The following GALNTL6 variants were observed in gnomAD, a reference collection of about 807,000 sequenced individuals.
GALNTL6 encodes polypeptide N-acetylgalactosaminyltransferase-like 6.
GALNTL6 carries 46 observed loss-of-function variants against 73.7 expected under a neutral mutation model. That is an observed-to-expected ratio of 0.62 (90% CI 0.49 to 0.80). The LOEUF (loss-of-function observed/expected upper bound fraction) is 0.80. GALNTL6 is among the 30% of genes least tolerant of loss of function. The probability of loss-of-function intolerance (pLI) is 0.00; values close to 1 mark genes in which losing one functional copy is unlikely to be tolerated. For synonymous variants in GALNTL6, 259 were observed against 263.7 expected (o/e 0.98, Z 0.17); for missense variants, 604 against 755.0 (o/e 0.80, Z 2.34).
intron 7 of GALNTL6, among the ~76,000 whole-genome samples, chr4:172,822,463 G>A (rs184439615): frequency 3.3e-4 from 51 of 152,246 alleles, no homozygotes; most frequent in Admixed American, 1.6e-3. Context: ...GGTCTCTCTG[G>A]AACTCCAGAA....
At chr4:172,357,184 A>G (rs1268609813) in intron 5 of GALNTL6, among the ~76,000 whole-genome samples, 2 of 152,184 alleles carry the variant, frequency 1.3e-5, no homozygotes, top group African/African-American at 4.8e-5. Flanking sequence ...TAAAGTTTGG[A>G]AAGGCTCTCA....
chr4:172,075,742 G>A (rs7677518), intron 2 of GALNTL6, among the ~76,000 whole-genome samples: 70,882 of 151,660 alleles, frequency 0.47, 17,042 homozygotes, highest in Non-Finnish European at 0.5. Flanking sequence ...TACCCTGCCA[G>A]AAATGAGAAA....
chr4:172,000,259 G>A (rs1447316290), intron 2 of GALNTL6, among the ~76,000 whole-genome samples: 1 of 152,100 alleles, frequency 6.6e-6, no homozygotes, highest in East Asian at 1.9e-4. Context: ...CCGGCAGTAT[G>A]GAAAATAAAC....
intron 2 of GALNTL6, among the ~76,000 whole-genome samples, chr4:172,052,973 G>A (rs1214615908): frequency 1.3e-5 from 2 of 152,160 alleles, no homozygotes; most frequent in East Asian, 3.9e-4. Context: ...CTGCCTGAAT[G>A]TCAGGGGAAA....
At position 172,450,582 on chromosome 4, in the gene GALNTL6, TC is replaced by T. The variant is rs537767284; in HGVS notation, c.553+101894del. On this transcript the variant is annotated intron_variant, in intron 5 of 12. Transcript: ENST00000506823. Reference sequence around the variant, plus strand: ...CATATGTCACCTCCTGCTTAAACCTTCAATGGCTTTCAGTTGTAATCAGATG... The same window carrying T: ...CATATGTCACCTCCTGCTTAAACCTTAATGGCTTTCAGTTGTAATCAGATG... 3.1e-4 allele frequency among the ~76,000 whole-genome samples: 47 copies of T among 152,350 alleles called. 1 individual carries two copies. In the South Asian group the frequency reaches 9.5e-3, roughly 31 times the overall value.
At position 172,219,855 on chromosome 4, in the gene GALNTL6, AT is replaced by A. The variant is rs1380656977; in HGVS notation, c.139-9798del. Among the ~76,000 whole-genome samples, 7 of 151,974 alleles carry A rather than the reference AT, an allele frequency of 4.6e-5. No homozygotes were observed. In the South Asian group the frequency reaches 1.2e-3, roughly 27 times the overall value. Reference sequence around the variant, plus strand: ...TAATGGAAAGCAACCTGGTTTTGATATTTAAAAGTATTGGCACTTCTGCCTA... The same window carrying A: ...TAATGGAAAGCAACCTGGTTTTGATATTAAAAGTATTGGCACTTCTGCCTA... On this transcript the variant is annotated intron_variant, in intron 2 of 12. Transcript: ENST00000506823.
intron 5 of GALNTL6, among the ~76,000 whole-genome samples, chr4:172,751,648 T>C (rs1459256989): frequency 5.3e-5 from 8 of 152,332 alleles, no homozygotes; most frequent in African/African-American, 1.9e-4. Flanking sequence ...TGGATCCTCA[T>C]TTTCAGACTT....
At chr4:172,315,913 T>C (rs1740527043) in intron 4 of GALNTL6, among the ~76,000 whole-genome samples, 2 of 151,982 alleles carry the variant, frequency 1.3e-5, no homozygotes, top group African/African-American at 4.8e-5. Flanking sequence ...AACTTATAGT[T>C]CAGGATGGGA....
chr4:172,941,006 C>T (rs2126308112), intron 9 of GALNTL6, among the ~76,000 whole-genome samples: 1 of 152,258 alleles, frequency 6.6e-6, no homozygotes, highest in Non-Finnish European at 1.5e-5. Flanking sequence ...TAGTTTCTTC[C>T]AACTTATTTA....
chr4:172,541,155 A>G (rs574970963), intron 5 of GALNTL6, among the ~76,000 whole-genome samples: 1 of 152,336 alleles, frequency 6.6e-6, no homozygotes, highest in Admixed American at 6.5e-5. Context: ...ATATTATACC[A>G]GGTTAATTTT....
At chr4:171,924,174 C>CCACACACA (rs758448133) in intron 2 of GALNTL6, among the ~76,000 whole-genome samples, 4 of 118,588 alleles carry the variant, frequency 3.4e-5, no homozygotes, top group African/African-American at 1.5e-4. Flanking sequence ...AAAAAATACA[C>CCACACACA]CACACACATA....
intron 2 of GALNTL6, among the ~76,000 whole-genome samples, chr4:172,158,410 C>T (rs1012797835): frequency 6.6e-6 from 1 of 151,424 alleles, no homozygotes; most frequent in Middle Eastern, 3.2e-3. Context: ...AGATTTTATT[C>T]TCATTAAAAA....
At chr4:172,176,267 G>A (rs1459605384) in intron 2 of GALNTL6, among the ~76,000 whole-genome samples, 4 of 138,100 alleles carry the variant, frequency 2.9e-5, no homozygotes, top group African/African-American at 5.4e-5. Context: ...GTGAACCTGC[G>A]AGGCGGAGCC....
intron 5 of GALNTL6, among the ~76,000 whole-genome samples, chr4:172,577,271 A>G (rs1234795053): frequency 6.6e-6 from 1 of 152,214 alleles, no homozygotes; most frequent in Non-Finnish European, 1.5e-5. Context: ...AGTTTTTTCA[A>G]AAGGTTTCTG....
At chr4:172,683,542 C>A (rs9994123) in intron 5 of GALNTL6, among the ~76,000 whole-genome samples, 1 of 152,358 alleles carries the variant, frequency 6.6e-6, no homozygotes, top group African/African-American at 2.4e-5. Flanking sequence ...TTTATTTTTG[C>A]CAGAAATCCA....
chr4:172,545,655 C>G (rs1470698989), intron 5 of GALNTL6: 1 of 152,200 alleles, frequency 6.6e-6, no homozygotes. Flanking sequence ...TTAGTTTAAA[C>G]ACTTGGGAAG....
At chr4:172,786,203 A>G (rs1739647322) in intron 5 of GALNTL6, among the ~76,000 whole-genome samples, 2 of 152,234 alleles carry the variant, frequency 1.3e-5, no homozygotes, top group African/African-American at 4.8e-5. Context: ...GAACTGCTTT[A>G]AGAAACTTCA....
At chr4:172,790,058 A>T (rs1264104729) in intron 5 of GALNTL6, among the ~76,000 whole-genome samples, 1 of 152,230 alleles carries the variant, frequency 6.6e-6, no homozygotes, top group Non-Finnish European at 1.5e-5. Flanking sequence ...ACCTCCAATA[A>T]AAACTATGAG....
intron 2 of GALNTL6, among the ~76,000 whole-genome samples, chr4:171,900,603 C>T (rs1442933650): frequency 1.3e-5 from 2 of 151,846 alleles, no homozygotes; most frequent in African/African-American, 4.8e-5. Flanking sequence ...CATGTGTGAG[C>T]CAGCGCTATT....
Sources: gnomAD v4.1 joint callset for allele counts (sites outside exome capture counted in the v4.1 genomes callset) on GRCh38, gnomAD v4.1.1 for gene constraint, MANE v1.5 for transcripts, NCBI Gene and HGNC (gene_info 2026-07-23, HGNC 2026-07-21) for gene names.